Variants in LRBA observed in about 807,000 individuals in gnomAD.
LRBA encodes the protein lipopolysaccharide-responsive and beige-like anchor protein.
LRBA carries 176 observed loss-of-function variants against 330.0 expected under a neutral mutation model. The observed-to-expected ratio is 0.53, with a 90% CI of 0.47 to 0.60. The LOEUF (loss-of-function observed/expected upper bound fraction) is 0.60, where lower values mean the gene tolerates loss of function less well. Ranked by LOEUF, LRBA falls within the 20% of genes least tolerant of loss-of-function variation. The pLI, the probability that LRBA is intolerant of heterozygous loss-of-function variation, is 0.00. For synonymous variants in LRBA, 1,230 were observed against 1,193.0 expected (o/e 1.03, Z -0.64); for missense variants, 3,259 against 3,444.8 (o/e 0.95, Z 1.35).
rs755160388 is a variant in LRBA at position 150,915,722 on chromosome 4, A to G, written c.900T>C (p.Tyr300=). Residue 300 remains tyrosine, a synonymous_variant, in exon 8 of 57, where the codon TAT becomes TAC. Transcript: ENST00000651943. Reference sequence around the variant, plus strand: ...TATAGATGTGTACTATGGTAACCATATACCACTGCAGAAGCAAAAAACAGT... The same window carrying G: ...TATAGATGTGTACTATGGTAACCATGTACCACTGCAGAAGCAAAAAACAGT... The part of the protein sequence containing the change: ...VKFDFKPQKW[Y]MVTIVHIYNR... 1 of 1,597,036 alleles carries G rather than the reference A, an allele frequency of 6.3e-7. No homozygotes were observed. Among genetic ancestry groups the G allele is most frequent in the Admixed American group, 1.8e-5 (1 of 56,284 alleles).
intron 56 of LRBA, among the ~76,000 whole-genome samples, chr4:150,275,743 G>A (rs898744159): frequency 2.6e-5 from 4 of 152,138 alleles, no homozygotes; most frequent in Non-Finnish European, 5.9e-5. Flanking sequence ...CCTCTTCAAG[G>A]AGAACTACAA....
intron 44 of LRBA, among the ~76,000 whole-genome samples, chr4:150,450,233 T>C (rs1228336457): frequency 1.3e-5 from 2 of 152,168 alleles, no homozygotes; most frequent in African/African-American, 2.4e-5. Flanking sequence ...ATCAAAAAAA[T>C]AACAATTTGA....
At chr4:150,450,131 T>A (rs1753165234) in intron 44 of LRBA, among the ~76,000 whole-genome samples, 1 of 152,162 alleles carries the variant, frequency 6.6e-6, no homozygotes, top group Admixed American at 6.6e-5. Context: ...AATGCCCTCC[T>A]GGGATATTAA....
intron 37 of LRBA, among the ~76,000 whole-genome samples, chr4:150,645,693 G>A (rs1779061480): frequency 6.6e-6 from 1 of 151,828 alleles, no homozygotes; most frequent in Non-Finnish European, 1.5e-5. Flanking sequence ...TGCCTTCCAA[G>A]AGATAAACAT....
At chr4:150,916,771 C>T (rs374846816) in intron 5 of LRBA, 33 bp from the exon 6 acceptor site, 570 of 1,487,364 alleles carry the variant, frequency 3.8e-4, no homozygotes, top group Non-Finnish European at 4.9e-4. Flanking sequence ...TATTAACTCA[C>T]GTGAAAACCT....
chr4:150,399,381 G>C (rs1745169324), intron 47 of LRBA, among the ~76,000 whole-genome samples: 1 of 152,096 alleles, frequency 6.6e-6, no homozygotes, highest in African/African-American at 2.4e-5. Flanking sequence ...CTCTGCTGTT[G>C]TCATAAAGCA....
intron 40 of LRBA, among the ~76,000 whole-genome samples, chr4:150,494,366 G>C (rs538875759): frequency 1.2e-4 from 19 of 152,312 alleles, no homozygotes; most frequent in African/African-American, 4.3e-4. Flanking sequence ...TCTTTGATAT[G>C]TTAGGAATAT....
intron 37 of LRBA, among the ~76,000 whole-genome samples, chr4:150,661,943 G>GA (rs1485172925): frequency 1.3e-5 from 2 of 151,886 alleles, no homozygotes; most frequent in Non-Finnish European, 2.9e-5. Context: ...TTAAATACTT[G>GA]AACTGTATCT....
intron 44 of LRBA, among the ~76,000 whole-genome samples, chr4:150,443,009 G>C (rs997195053): frequency 2.0e-5 from 3 of 152,092 alleles, no homozygotes; most frequent in African/African-American, 7.2e-5. Context: ...AAGGTTCTAC[G>C]AGTCTTACAT....
intron 30 of LRBA, among the ~76,000 whole-genome samples, chr4:150,818,514 A>C (rs2126771842): frequency 6.8e-6 from 1 of 147,500 alleles, no homozygotes; most frequent in South Asian, 2.2e-4. Context: ...CTTAAGGGGG[A>C]GTAGATATGA....
At chr4:150,926,319 T>A (rs532158196) in intron 4 of LRBA, among the ~76,000 whole-genome samples, 121 of 152,302 alleles carry the variant, frequency 7.9e-4, no homozygotes, top group East Asian at 1.3e-3. Context: ...TGCTACCTCC[T>A]GTCCTATGTC....
chr4:150,759,130 G>GT (rs1734729195), intron 35 of LRBA, among the ~76,000 whole-genome samples: 1 of 152,068 alleles, frequency 6.6e-6, no homozygotes, highest in African/African-American at 2.4e-5. Context: ...TGCCCAGGCT[G>GT]GTTTTGAACT....
At chr4:150,545,657 C>T (rs1333462689) in intron 40 of LRBA, among the ~76,000 whole-genome samples, 1 of 151,862 alleles carries the variant, frequency 6.6e-6, no homozygotes. Context: ...TGAATACTGG[C>T]TAAGATAGGA....
Position 150,798,141 on chromosome 4 carries a change from A to C in LRBA, c.5520T>G (p.Ser1840Arg). Residue 1840 changes from serine to arginine, a missense_variant and splice_region_variant, in exon 34 of 57, where the codon AGT becomes AGG. By Grantham distance (110) the Ser-to-Arg change is moderately radical. Coordinates refer to ENST00000651943, the MANE Select transcript of LRBA (RefSeq NM_001364905.1). ...AACTACTCGACTTCATGCAAACCAG[A>C]CCTATTTTAAAGAGAATTTTAAAAA... The part of the protein sequence containing the change: ...HGQELLIEGT[S>R]LVCMKSSSSV... 1.3e-6 allele frequency: 2 copies of C among 1,595,310 alleles called. No individual in the cohort carries two copies. The highest frequency in any genetic ancestry group is 1.7e-6 in the Non-Finnish European group (2 of 1,163,026).
intron 2 of LRBA, among the ~76,000 whole-genome samples, chr4:150,997,356 A>G (rs1742771031): frequency 6.6e-6 from 1 of 152,254 alleles, no homozygotes; most frequent in Non-Finnish European, 1.5e-5. Context: ...TATGTGTAAT[A>G]TTCAAGTGAC....
chr4:151,014,523 GGGGAGCCCT>G lies in LRBA; in HGVS notation c.111_119del (p.Gly38_Pro40del). The G allele has an allele frequency of 6.2e-7, 1 of 1,614,100 alleles. No individual in the cohort carries two copies. The highest frequency in any genetic ancestry group is 1.1e-5 in the South Asian group (1 of 91,042). On this transcript the variant is annotated inframe_deletion, in exon 2 of 57. Coordinates refer to ENST00000651943, the MANE Select transcript of LRBA (RefSeq NM_001364905.1). ...CAAATTTCATTCTGATGCCCCTGATGGGGAGCCCTGGTTTCAGAGACAATGCACCCCCTT... is the reference window on the plus strand; with the variant it reads ...CAAATTTCATTCTGATGCCCCTGATGGGTTTCAGAGACAATGCACCCCCTT...
chr4:150,555,426 A>G (rs1013772899), intron 40 of LRBA, among the ~76,000 whole-genome samples: 5 of 152,192 alleles, frequency 3.3e-5, no homozygotes, highest in African/African-American at 4.8e-5. Context: ...ATGCTAGCTC[A>G]TCAAGTATAA....
At chr4:150,377,553 G>A (rs969213954) in intron 47 of LRBA, among the ~76,000 whole-genome samples, 9 of 152,090 alleles carry the variant, frequency 5.9e-5, no homozygotes, top group Admixed American at 3.9e-4. Context: ...AAGTGGGGGA[G>A]GAGAAACTCA....
intron 34 of LRBA, among the ~76,000 whole-genome samples, chr4:150,776,000 CATG>C (rs764865678): frequency 4.0e-5 from 6 of 151,898 alleles, no homozygotes; most frequent in Non-Finnish European, 5.9e-5. Context: ...GGCATAAATA[CATG>C]ATAATAACGT....
Sources: allele counts gnomAD v4.1 joint callset (sites outside exome capture counted in the v4.1 genomes callset), GRCh38; gene constraint gnomAD v4.1.1; transcripts MANE v1.5; gene names NCBI Gene and HGNC (gene_info 2026-07-23, HGNC 2026-07-21).